PMFBP1: variants seen among roughly 807,000 people sequenced by gnomAD.
PMFBP1 encodes polyamine modulated factor 1 binding protein 1.
PMFBP1 carries 131 observed loss-of-function variants against 137.8 expected under a neutral mutation model. That is an observed-to-expected ratio of 0.95 (90% CI 0.82 to 1.10). The LOEUF (loss-of-function observed/expected upper bound fraction) is 1.10, where lower values mean the gene tolerates loss of function less well. Ranked by LOEUF, PMFBP1 falls within the 50% of genes least tolerant of loss-of-function variation. PMFBP1 has a pLI of 0.00. For synonymous variants in PMFBP1, 490 were observed against 450.4 expected, an observed-to-expected ratio of 1.09 and a Z score of -1.11; for missense variants, 1,199 against 1,175.4, an observed-to-expected ratio of 1.02 and a Z score of -0.29.
chr16:72,188,347 A>G, the PMFBP1 span, among the ~76,000 whole-genome samples: 3 of 152,208 alleles, frequency 2.0e-5, no homozygotes, highest in African/African-American at 7.2e-5. Flanking sequence ...CGTAGACAGC[A>G]CTGAGAGCTT....
chr16:72,181,076 T>TA (rs2043274730), upstream of PMFBP1, among the ~76,000 whole-genome samples: 1 of 151,868 alleles, frequency 6.6e-6, no homozygotes, highest in Admixed American at 6.6e-5. Flanking sequence ...CCGTCTCTAC[T>TA]AAAAATACAA....
upstream of PMFBP1, among the ~76,000 whole-genome samples, chr16:72,173,591 T>G (rs1306618956): frequency 6.6e-6 from 1 of 152,224 alleles, no homozygotes; most frequent in African/African-American, 2.4e-5. Flanking sequence ...GAAGGAGATG[T>G]CAGAATCTTC....
At chr16:72,202,626 T>C in the PMFBP1 span, among the ~76,000 whole-genome samples, 1 of 152,108 alleles carries the variant, frequency 6.6e-6, no homozygotes, top group African/African-American at 2.4e-5. Context: ...TATTGCAGAG[T>C]TCCCATTATT....
At chr16:72,195,718 T>A in the PMFBP1 span, among the ~76,000 whole-genome samples, 1 of 152,236 alleles carries the variant, frequency 6.6e-6, no homozygotes, top group African/African-American at 2.4e-5. Flanking sequence ...TTTGATCACA[T>A]TGGAGCGTTC....
Position 72,148,176 on chromosome 16 carries a change from A to C in PMFBP1, c.636+2432T>G, listed in dbSNP as rs183997855. ...AAAATGTGGCACATATACACCATGG[A>C]ATACTATGCAGCCATAAAAAAGGAT... is the stretch of plus-strand genomic sequence containing the variant. On this transcript the variant is annotated intron_variant, in intron 5 of 20. Coordinates refer to ENST00000237353, the MANE Select transcript of PMFBP1 (RefSeq NM_031293.3). 6.1e-3 allele frequency among the ~76,000 whole-genome samples: 934 copies of C among 152,330 alleles called. 6 individuals are homozygous for C. Among genetic ancestry groups the C allele is most frequent in the Admixed American group, 0.011 (174 of 15,296 alleles).
intron 7 of PMFBP1, among the ~76,000 whole-genome samples, chr16:72,137,170 C>T (rs143259119): frequency 6.6e-6 from 1 of 152,298 alleles, no homozygotes; most frequent in African/African-American, 2.4e-5. Context: ...ACGGAATACA[C>T]ATAAAAGCAG....
the PMFBP1 span, among the ~76,000 whole-genome samples, chr16:72,200,962 G>A: frequency 6.6e-6 from 1 of 152,168 alleles, no homozygotes; most frequent in Non-Finnish European, 1.5e-5. Context: ...GCCGTGGGGG[G>A]TCCCTGGGTG....
chr16:72,147,310 T>C (rs963242060), intron 5 of PMFBP1, among the ~76,000 whole-genome samples: 2 of 152,220 alleles, frequency 1.3e-5, no homozygotes, highest in Non-Finnish European at 1.5e-5. Context: ...CTGGGAAAAC[T>C]GGCTAGCCAT....
At chr16:72,121,097 A>G (rs1422323182) in intron 19 of PMFBP1, among the ~76,000 whole-genome samples, 1 of 152,228 alleles carries the variant, frequency 6.6e-6, no homozygotes, top group Non-Finnish European at 1.5e-5. Context: ...GACTGAAGTT[A>G]TCTGTTACCT....
chr16:72,193,447 A>C, the PMFBP1 span, among the ~76,000 whole-genome samples: 1 of 152,142 alleles, frequency 6.6e-6, no homozygotes, highest in African/African-American at 2.4e-5. Context: ...AGGCAAAAAC[A>C]CCAAATTGTA....
chr16:72,143,527 G>A (rs2042755731), intron 5 of PMFBP1, among the ~76,000 whole-genome samples: 1 of 152,100 alleles, frequency 6.6e-6, no homozygotes, highest in African/African-American at 2.4e-5. Context: ...AAGATCACTT[G>A]AGGTCAGGAG....
At chr16:72,232,996 C>A in the PMFBP1 span, among the ~76,000 whole-genome samples, 1 of 152,036 alleles carries the variant, frequency 6.6e-6, no homozygotes, top group Non-Finnish European at 1.5e-5. Flanking sequence ...GTGATTAACT[C>A]TGTCAGAATT....
intron 6 of PMFBP1, 127 bp downstream of exon 6, chr16:72,140,285 G>C: frequency 1.0e-6 from 1 of 960,662 alleles, no homozygotes; most frequent in Non-Finnish European, 1.6e-6. Flanking sequence ...TGGGGGGCAA[G>C]TATATATCAG....
At chr16:72,140,761 C>T (rs909702951) in intron 5 of PMFBP1, among the ~76,000 whole-genome samples, 179 bp from the exon 6 acceptor site, 1 of 151,906 alleles carries the variant, frequency 6.6e-6, no homozygotes, top group Admixed American at 6.6e-5. Context: ...TTAAAAAGTC[C>T]AAATGGTTCA....
rs139002690 is a variant in PMFBP1, at chr16:72,170,024, A to G, written c.12+1173T>C. 7.0e-5 allele frequency among the ~76,000 whole-genome samples: 8 copies of G among 114,556 alleles called. No homozygotes were observed. The East Asian group carries it at 1.8e-3, about 25-fold the overall frequency. 75.2% of individuals were successfully genotyped at this position (114,556 alleles called of 152,430 possible). A position where few individuals can be genotyped will look rare whatever the true frequency, so the allele number is the denominator to read the frequency against. On this transcript the variant is annotated intron_variant, in intron 2 of 20. Coordinates refer to ENST00000237353, the MANE Select transcript of PMFBP1 (RefSeq NM_031293.3). ...GCTGATTTTTATTGGCACCTGGGCA[A>G]TTTTCACAGACTTTTTTCACTATCA...
chr16:72,139,668 G>T (rs191789781), intron 6 of PMFBP1, among the ~76,000 whole-genome samples: 2 of 152,252 alleles, frequency 1.3e-5, no homozygotes, highest in Admixed American at 1.3e-4. Context: ...ATTTGATGAG[G>T]CAGAAGAAGG....
At position 72,128,770 on chromosome 16, in the gene PMFBP1, C is replaced by T. The variant is rs2144269031; in HGVS notation, c.1975G>A (p.Glu659Lys). 6.2e-7 allele frequency: 1 copy of T among 1,614,190 alleles called. No homozygotes were observed. Among genetic ancestry groups the T allele is most frequent in the East Asian group, 2.2e-5 (1 of 44,890 alleles). The change falls in exon 14 of 21, where the codon GAG becomes AAG. Residue 659 changes from glutamate to lysine, a missense_variant. By Grantham distance (56) the Glu-to-Lys change is moderately conservative. Coordinates refer to ENST00000237353, the MANE Select transcript of PMFBP1 (RefSeq NM_031293.3). The stretch of plus-strand genomic sequence containing the variant: ...GCTCGGAGATTCTCATTTTCTTCCT[C>T]CAACTTTCTGGAATTCTCTTTCAAC... ...KTLKENSRKL[E>K]EENENLRAEL...
chr16:72,133,308 A>G (rs2042576343), intron 9 of PMFBP1, among the ~76,000 whole-genome samples: 1 of 151,748 alleles, frequency 6.6e-6, no homozygotes, highest in Non-Finnish European at 1.5e-5. Context: ...CCTCCCAAGT[A>G]GTTGGGATTA....
At chr16:72,180,865 A>G (rs1267273165), upstream of PMFBP1, among the ~76,000 whole-genome samples, 1 of 152,226 alleles carries the variant, frequency 6.6e-6, no homozygotes, top group Non-Finnish European at 1.5e-5. Context: ...GAGCCTTCAA[A>G]GGGAATGTCT....
Sources: allele counts gnomAD v4.1 joint callset (sites outside exome capture counted in the v4.1 genomes callset), GRCh38; gene constraint gnomAD v4.1.1; transcripts MANE v1.5; gene names NCBI Gene and HGNC (gene_info 2026-07-23, HGNC 2026-07-21).